The following FGF10 variants were observed in gnomAD, a reference collection of about 807,000 sequenced individuals.
FGF10 encodes FGF-10.
Under a neutral mutation model 19.8 loss-of-function variants are expected in FGF10, and 2 were observed. The ratio of observed to expected loss-of-function variants is 0.10; its 90% CI spans 0.04 to 0.32. The LOEUF is 0.32. FGF10 is among the 10% of genes least tolerant of loss of function. FGF10 has a pLI of 1.00. For synonymous variants in FGF10, 112 were observed against 94.0 expected, an observed-to-expected ratio of 1.19 and a Z score of -1.10; for missense variants, 191 against 246.3, an observed-to-expected ratio of 0.78 and a Z score of 1.50.
At chr5:44,336,198 CTCTT>C (rs969034109) in intron 1 of FGF10, among the ~76,000 whole-genome samples, 7 of 151,894 alleles carry the variant, frequency 4.6e-5, no homozygotes, top group Admixed American at 1.3e-4. Flanking sequence ...AAGTTTGATT[CTCTT>C]TCTTTTTTTC....
At chr5:44,318,859 G>A (rs528679060) in intron 1 of FGF10, among the ~76,000 whole-genome samples, 8 of 152,094 alleles carry the variant, frequency 5.3e-5, no homozygotes, top group Admixed American at 5.2e-4. Flanking sequence ...AATCTAATTT[G>A]AGCTAAAATT....
intron 1 of FGF10, among the ~76,000 whole-genome samples, chr5:44,378,275 C>T (rs1741910107): frequency 6.6e-6 from 1 of 152,156 alleles, no homozygotes; most frequent in Non-Finnish European, 1.5e-5. Context: ...ATCATGTTGG[C>T]ACTCAAAAAG....
chr5:44,360,483 T>G (rs1035321848), intron 1 of FGF10, among the ~76,000 whole-genome samples: 2 of 151,514 alleles, frequency 1.3e-5, no homozygotes, highest in East Asian at 2.0e-4. Context: ...CATTTGTAAT[T>G]TAAGTCAAGG....
chr5:44,372,090 C>T (rs986934919), intron 1 of FGF10, among the ~76,000 whole-genome samples: 3 of 152,134 alleles, frequency 2.0e-5, no homozygotes, highest in Non-Finnish European at 2.9e-5. Context: ...TTTATTCTCT[C>T]ACAGTTCTGG....
intron 1 of FGF10, among the ~76,000 whole-genome samples, chr5:44,332,275 C>T (rs1368456785): frequency 6.6e-6 from 1 of 151,950 alleles, no homozygotes; most frequent in Non-Finnish European, 1.5e-5. Context: ...AGTTGGTTGC[C>T]CCAGTGAGTA....
At chr5:44,321,045 A>T (rs1365528594) in intron 1 of FGF10, among the ~76,000 whole-genome samples, 1 of 152,170 alleles carries the variant, frequency 6.6e-6, no homozygotes, top group Non-Finnish European at 1.5e-5. Context: ...GCAAACATTG[A>T]AGGACACCAC....
At chr5:44,327,475 C>A (rs1171280520) in intron 1 of FGF10, among the ~76,000 whole-genome samples, 2 of 152,032 alleles carry the variant, frequency 1.3e-5, no homozygotes, top group Admixed American at 1.3e-4. Context: ...AAAAAGAGTC[C>A]CTTAACCACA....
intron 1 of FGF10, among the ~76,000 whole-genome samples, chr5:44,342,793 T>C (rs1399702899): frequency 6.6e-6 from 1 of 151,988 alleles, no homozygotes; most frequent in African/African-American, 2.4e-5. Context: ...GGGATGTCAG[T>C]CTCTCTGTTT....
intron 1 of FGF10, among the ~76,000 whole-genome samples, chr5:44,355,767 G>C (rs1176375396): frequency 6.6e-6 from 1 of 151,362 alleles, no homozygotes; most frequent in African/African-American, 2.4e-5. Flanking sequence ...AGAACAGAGT[G>C]TATTTATATT....
At chr5:44,329,459 G>T (rs1740683911) in intron 1 of FGF10, among the ~76,000 whole-genome samples, 1 of 152,142 alleles carries the variant, frequency 6.6e-6, no homozygotes, top group Non-Finnish European at 1.5e-5. Flanking sequence ...ACAGGTGTGA[G>T]CCACCGTGCC....
At chr5:44,357,791 T>G (rs932439177) in intron 1 of FGF10, among the ~76,000 whole-genome samples, 2 of 151,492 alleles carry the variant, frequency 1.3e-5, no homozygotes, top group Non-Finnish European at 3.0e-5. Context: ...TTTCTCCTTA[T>G]AGCTAAGTAT....
chr5:44,367,552 A>G (rs1224069608), intron 1 of FGF10, among the ~76,000 whole-genome samples: 1 of 152,046 alleles, frequency 6.6e-6, no homozygotes, highest in African/African-American at 2.4e-5. Context: ...AGTCTCATCA[A>G]TTATTAACTA....
intron 1 of FGF10, among the ~76,000 whole-genome samples, chr5:44,382,994 T>C (rs1267288774): frequency 6.6e-6 from 1 of 152,124 alleles, no homozygotes; most frequent in African/African-American, 2.4e-5. Flanking sequence ...AATACACATA[T>C]ATTACTCTTC....
intron 1 of FGF10, among the ~76,000 whole-genome samples, chr5:44,343,051 G>A (rs978683956): frequency 6.6e-6 from 1 of 151,900 alleles, no homozygotes; most frequent in African/African-American, 2.4e-5. Context: ...GGTGTGTGTT[G>A]CCCTTACATG....
At chr5:44,386,542 A>T (rs537622800) in intron 1 of FGF10, among the ~76,000 whole-genome samples, 73 of 152,308 alleles carry the variant, frequency 4.8e-4, no homozygotes, top group Non-Finnish European at 9.0e-4. Context: ...TTTTAGAAGT[A>T]AATAAAGTTT....
chr5:44,333,270 A>G (rs1438956972), intron 1 of FGF10, among the ~76,000 whole-genome samples: 2 of 152,170 alleles, frequency 1.3e-5, no homozygotes, highest in Non-Finnish European at 2.9e-5. Flanking sequence ...ATATATAGCT[A>G]GATGCACTTA....
At chr5:44,349,565 A>T (rs1741190100) in intron 1 of FGF10, among the ~76,000 whole-genome samples, 1 of 140,072 alleles carries the variant, frequency 7.1e-6, no homozygotes, top group Admixed American at 7.2e-5. Context: ...TTAGTCTCTT[A>T]TTTTGAAATC....
chr5:44,331,052 A>G (rs1190786841), intron 1 of FGF10, among the ~76,000 whole-genome samples: 4 of 152,166 alleles, frequency 2.6e-5, no homozygotes, highest in South Asian at 2.1e-4. Flanking sequence ...GACTTCATTT[A>G]TATACTAAAG....
At chr5:44,309,844 G>A (rs935468300) in intron 2 of FGF10, among the ~76,000 whole-genome samples, 1 of 152,078 alleles carries the variant, frequency 6.6e-6, no homozygotes, top group Non-Finnish European at 1.5e-5. Context: ...AGGGATACCT[G>A]CTCCACAAGG....
Sources: gnomAD v4.1 joint callset for allele counts (sites outside exome capture counted in the v4.1 genomes callset) on GRCh38, gnomAD v4.1.1 for gene constraint, MANE v1.5 for transcripts, NCBI Gene and HGNC (gene_info 2026-07-23, HGNC 2026-07-21) for gene names.